The following MKLN1 variants were observed in gnomAD, a reference collection of about 807,000 sequenced individuals.
MKLN1 encodes muskelin.
In MKLN1, 18 loss-of-function variants were observed where a neutral mutation model predicts 99.0. The ratio of observed to expected loss-of-function variants is 0.18; its 90% CI spans 0.13 to 0.27. The LOEUF is 0.27. Ranked by LOEUF, MKLN1 falls within the 10% of genes least tolerant of loss-of-function variation. MKLN1 has a pLI of 1.00. For synonymous variants in MKLN1, 288 were observed against 293.2 expected, an observed-to-expected ratio of 0.98 and a Z score of 0.18; for missense variants, 621 against 875.9, an observed-to-expected ratio of 0.71 and a Z score of 3.67.
At chr7:131,120,027 G>T (rs895976997) in intron 1 of MKLN1, among the ~76,000 whole-genome samples, 1 of 152,096 alleles carries the variant, frequency 6.6e-6, no homozygotes, top group Non-Finnish European at 1.5e-5. Context: ...AAGCAGCCAG[G>T]CCACGTGTTG....
chr7:131,451,078 A>C (rs1796163619), intron 12 of MKLN1, among the ~76,000 whole-genome samples: 1 of 152,234 alleles, frequency 6.6e-6, no homozygotes. Context: ...CACTTTTAAA[A>C]AGTACATTTT....
chr7:131,115,884 A>G (rs1448642998), intron 1 of MKLN1, among the ~76,000 whole-genome samples: 1 of 152,090 alleles, frequency 6.6e-6, no homozygotes, highest in Non-Finnish European at 1.5e-5. Context: ...CACGTTTCCA[A>G]CCATCCTAGA....
chr7:131,208,564 A>T (rs1270119692), intron 3 of MKLN1, among the ~76,000 whole-genome samples: 9 of 152,142 alleles, frequency 5.9e-5, no homozygotes, highest in African/African-American at 2.2e-4. Context: ...GCACCACTGC[A>T]CTCCAGCCTA....
intron 1 of MKLN1, among the ~76,000 whole-genome samples, chr7:131,373,983 T>A (rs1278138106): frequency 6.6e-6 from 1 of 152,142 alleles, no homozygotes; most frequent in African/African-American, 2.4e-5. Flanking sequence ...CATTGACCTT[T>A]CCTCTGATGT....
At chr7:131,157,122 G>C (rs1229778463) in intron 2 of MKLN1, among the ~76,000 whole-genome samples, 1 of 152,214 alleles carries the variant, frequency 6.6e-6, no homozygotes, top group Non-Finnish European at 1.5e-5. Context: ...GCTTACGCCT[G>C]TAATCCCAGC....
At chr7:131,288,138 C>T (rs1798160368) in intron 3 of MKLN1, among the ~76,000 whole-genome samples, 1 of 151,684 alleles carries the variant, frequency 6.6e-6, no homozygotes, top group African/African-American at 2.4e-5. Flanking sequence ...TGTTACCCCA[C>T]AGATTTCGTC....
chr7:131,162,197 C>A lies in MKLN1; in HGVS notation c.-297+19256C>A, dbSNP rs561406739. On this transcript the variant is annotated intron_variant, in intron 2 of 7. Coordinates refer to the MKLN1 transcript ENST00000416992. ...CCTCTGGAGTAGCTGGAATTACAGG[C>A]GTGCACCACCAAGCCCGGCTAATTT... Among the ~76,000 whole-genome samples, 502 of 151,870 alleles carry A rather than the reference C, an allele frequency of 3.3e-3. 5 individuals are homozygous for A. The highest frequency in any genetic ancestry group is 0.012 in the African/African-American group (480 of 41,430).
At chr7:131,403,840 AAG>A (rs1794622968) in intron 6 of MKLN1, among the ~76,000 whole-genome samples, 1 of 152,158 alleles carries the variant, frequency 6.6e-6, no homozygotes, top group Non-Finnish European at 1.5e-5. Flanking sequence ...AGTAATGAAA[AAG>A]GTTGAAACAT....
In MKLN1 at chr7:131,470,842, G is replaced by A. The variant is rs145765929; in HGVS notation, c.1929G>A (p.Arg643=). 80 of 1,587,980 alleles carry A rather than the reference G, an allele frequency of 5.0e-5. No individual in the cohort carries two copies. Among genetic ancestry groups the A allele is most frequent in the Non-Finnish European group, 6.6e-5 (76 of 1,157,578 alleles). The change falls in exon 16 of 18, where the codon AGG becomes AGA. Residue 643 remains arginine (R), a splice_region_variant and synonymous_variant. Transcript: ENST00000352689. ...AATTATCCTTGTGTACATTTTCTAG[G>A]TTTGAAGAAAAGGCCCAAGTGGATC... ...RHCKYLIRKH[R]FEEKAQVDPL...
At chr7:131,400,506 C>G (rs1341300987) in intron 6 of MKLN1, among the ~76,000 whole-genome samples, 7 of 107,986 alleles carry the variant, frequency 6.5e-5, no homozygotes, top group Admixed American at 5.8e-4. Flanking sequence ...AAAATGCTAC[C>G]AATAAAAAAA....
In MKLN1 at chr7:131,489,379, T is replaced by C. The variant is rs181344628; in HGVS notation, c.*1651T>C. On this transcript the variant is annotated 3_prime_UTR_variant, in exon 18 of 18. Transcript: ENST00000352689. ...TACTTGTGAAAGGTATGCTATATAA[T>C]TCAGCAAGTACCAACTTGTGTAGCT... 27 of 152,286 alleles carry C rather than the reference T, an allele frequency of 1.8e-4. No individual in the cohort carries two copies. Among genetic ancestry groups the C allele is most frequent in the Admixed American group, 1.4e-3 (21 of 15,278 alleles). 9.4% of individuals were successfully genotyped at this position (152,286 alleles called of 1,614,324 possible). A position where few individuals can be genotyped will look rare whatever the true frequency, so the allele number is the denominator to read the frequency against.
intron 2 of MKLN1, among the ~76,000 whole-genome samples, chr7:131,175,049 T>A (rs111302005): frequency 0.043 from 6,491 of 151,020 alleles, 210 homozygotes; most frequent in African/African-American, 0.094. Flanking sequence ...GATGGATGGA[T>A]GGATGGATGG....
At chr7:131,381,056 T>C (rs549832330) in intron 2 of MKLN1, among the ~76,000 whole-genome samples, 1 of 152,330 alleles carries the variant, frequency 6.6e-6, no homozygotes, top group South Asian at 2.1e-4. Flanking sequence ...AACCTTAATA[T>C]AAGTATTTTT....
intron 4 of MKLN1, among the ~76,000 whole-genome samples, chr7:131,392,190 A>G (rs891482060): frequency 2.6e-5 from 4 of 152,144 alleles, no homozygotes; most frequent in Admixed American, 1.3e-4. Flanking sequence ...GGGGTAGGTG[A>G]GGGCAAAAAG....
intron 3 of MKLN1, among the ~76,000 whole-genome samples, chr7:131,321,398 G>A (rs1436282614): frequency 6.6e-6 from 1 of 152,068 alleles, no homozygotes; most frequent in African/African-American, 2.4e-5. Context: ...GACACAAGAA[G>A]AACATTAAAC....
At position 131,217,582 on chromosome 7, in the gene MKLN1, C is replaced by T. The variant is rs548102758; in HGVS notation, c.-179+14608C>T. On this transcript the variant is annotated intron_variant, in intron 3 of 7. Coordinates refer to the MKLN1 transcript ENST00000416992. The stretch of plus-strand genomic sequence containing the variant: ...GTGTGGTTGTGGGCACCTGTAATCC[C>T]GGCTACTCAGGAGGCTGAGGCAGGC... 1.2e-4 allele frequency among the ~76,000 whole-genome samples: 18 copies of T among 152,294 alleles called. No individual in the cohort carries two copies. The South Asian group carries it at 1.9e-3, about 16-fold the overall frequency.
chr7:131,361,753 C>CA (rs1397386539), intron 1 of MKLN1, among the ~76,000 whole-genome samples: 6 of 152,028 alleles, frequency 3.9e-5, no homozygotes, highest in African/African-American at 1.2e-4. Context: ...GTGAGGCAGT[C>CA]AGTAAGTATA....
intron 13 of MKLN1, 145 bp downstream of exon 13, chr7:131,463,509 G>A (rs1035549609): frequency 1.5e-5 from 12 of 796,850 alleles, no homozygotes; most frequent in Admixed American, 1.0e-4. Flanking sequence ...AATCAATATC[G>A]GTACCTATGT....
intron 17 of MKLN1, among the ~76,000 whole-genome samples, chr7:131,480,813 G>A (rs1797101907): frequency 1.3e-5 from 2 of 152,194 alleles, no homozygotes; most frequent in South Asian, 4.1e-4. Flanking sequence ...TGTGCCTTAT[G>A]TCTGATACCA....
Sources: allele counts gnomAD v4.1 joint callset (sites outside exome capture counted in the v4.1 genomes callset), GRCh38; gene constraint gnomAD v4.1.1; transcripts MANE v1.5; gene names NCBI Gene and HGNC (gene_info 2026-07-23, HGNC 2026-07-21).